Variants in XPOT observed in about 807,000 individuals in gnomAD.
XPOT encodes exportin-T.
In XPOT, 34 loss-of-function variants were observed where a neutral mutation model predicts 128.2. That is an observed-to-expected ratio of 0.27 (90% CI 0.20 to 0.35). The LOEUF is 0.35. Ranked by LOEUF, XPOT falls within the 10% of genes least tolerant of loss-of-function variation. XPOT has a pLI of 1.00. For synonymous variants in XPOT, 348 were observed against 394.3 expected, an observed-to-expected ratio of 0.88 and a Z score of 1.39; for missense variants, 838 against 1,125.3, an observed-to-expected ratio of 0.74 and a Z score of 3.65.
chr12:64,420,106 A>G lies in XPOT; in HGVS notation c.526A>G (p.Arg176Gly). The stretch of plus-strand genomic sequence containing the variant: ...GAATACTCTCATAAAAGATACCATG[A>G]GGGAACAGTGCATTCCAAATCTGGT... ...RRNTLIKDTM[R>G]EQCIPNLVES... Residue 176 changes from arginine (R) to glycine (G), a missense_variant, in exon 7 of 25, where the codon AGG becomes GGG. Arg to Gly is a moderately radical substitution (Grantham distance 125). Transcript: ENST00000332707. The G allele has an allele frequency of 6.3e-7, 1 of 1,596,584 alleles. No homozygotes were observed. Among genetic ancestry groups the G allele is most frequent in the South Asian group, 1.1e-5 (1 of 87,284 alleles).
At chr12:64,436,148 G>C (rs11175390) in intron 22 of XPOT, among the ~76,000 whole-genome samples, 22,801 of 151,960 alleles carry the variant, frequency 0.15, 2,042 homozygotes, top group East Asian at 0.35. Flanking sequence ...GTAGAAACAG[G>C]GTTTCACCAT....
Position 64,448,808 on chromosome 12 carries a change from C to T in XPOT, c.*677C>T, listed in dbSNP as rs1347638498. On this transcript the variant is annotated 3_prime_UTR_variant, in exon 25 of 25. Transcript: ENST00000332707. ...TGTGTGGATGCTTTAATTCATTTAA[C>T]CTCACTCCTCAAAGGTAACATGCAA... 1.3e-5 allele frequency: 2 copies of T among 152,138 alleles called. No homozygotes were observed. The highest frequency in any genetic ancestry group is 6.5e-5 in the Admixed American group (1 of 15,268). 9.4% of individuals were successfully genotyped at this position (152,138 alleles called of 1,614,324 possible).
Position 64,448,129 on chromosome 12 carries a change from T to C in XPOT, c.2887T>C (p.Ter963ArgextTer10), listed in dbSNP as rs1368228149. ...GGTGTTCTTCCAGAGAGCAAAGCCC[T>C]GAGGACTGGATTTCCCTGTGCCTAC... is the stretch of plus-strand genomic sequence containing the variant. Reference protein sequence around the residue: ...LKVFFQRAKP* With the variant: ...LKVFFQRAKPR The change falls in exon 25 of 25, where the codon TGA becomes CGA. Residue 963 changes from the stop codon to arginine, a stop_lost. Coordinates refer to ENST00000332707, the MANE Select transcript of XPOT (RefSeq NM_007235.6). The C allele has an allele frequency of 6.2e-7, 1 of 1,613,994 alleles. No individual in the cohort carries two copies. The highest frequency in any genetic ancestry group is 8.5e-7 in the Non-Finnish European group (1 of 1,179,888).
chr12:64,414,168 C>T (rs1399004092), intron 2 of XPOT, among the ~76,000 whole-genome samples: 1 of 152,180 alleles, frequency 6.6e-6, no homozygotes, highest in Non-Finnish European at 1.5e-5. Context: ...AAGTAACTCC[C>T]ATTTTCCCAA....
At position 64,434,404 on chromosome 12, in the gene XPOT, CTGTAAA is replaced by C. The variant is rs1264325253; in HGVS notation, c.2453-100_2453-95del. On this transcript the variant is annotated intron_variant, in intron 19 of 24. Transcript: ENST00000332707. ...TCCCCCTTCATTTTTCCCATTCCAC[CTGTAAA>C]TGATTTTTGACTTGTTAATGTATAT... is the stretch of plus-strand genomic sequence containing the variant. 4 of 725,334 alleles carry C rather than the reference CTGTAAA, an allele frequency of 5.5e-6. No homozygotes were observed. In the Admixed American group the frequency reaches 9.5e-5, roughly 17 times the overall value. The allele number at this position is 725,334 out of a possible 1,614,324, so 44.9% of individuals were successfully genotyped here.
chr12:64,423,127 T>A, intron 10 of XPOT, 55 bp from the exon 11 acceptor site: 1 of 1,591,034 alleles, frequency 6.3e-7, no homozygotes, highest in Non-Finnish European at 8.6e-7. Context: ...TTTCAAATTA[T>A]ATCAAATTAG....
At chr12:64,406,795 A>T (rs191178576) in intron 1 of XPOT, among the ~76,000 whole-genome samples, 23 of 152,282 alleles carry the variant, frequency 1.5e-4, no homozygotes, top group African/African-American at 4.8e-4. Flanking sequence ...AGGGGAATGG[A>T]CATCAGATTT....
rs370119332 is a variant in XPOT at position 64,428,007 on chromosome 12, T to C, written c.1668-44T>C. ...GGGAATTTGGTATTTTAGCACTGTT[T>C]TGAGCACTGTTATTAATTGTGATTT... On this transcript the variant is annotated intron_variant, in intron 15 of 24. Coordinates refer to ENST00000332707, the MANE Select transcript of XPOT (RefSeq NM_007235.6). The C allele has an allele frequency of 3.8e-6, 5 of 1,324,264 alleles. No homozygotes were observed. The African/African-American group carries it at 4.3e-5, about 11-fold the overall frequency. The allele number at this position is 1,324,264 out of a possible 1,614,324, so 82.0% of individuals were successfully genotyped here. A position where few individuals can be genotyped will look rare whatever the true frequency, so the allele number is the denominator to read the frequency against.
chr12:64,450,612 C>G lies in XPOT; in HGVS notation c.*2481C>G, dbSNP rs977136798. ...CATGTTATATAATCATGCATAACTT[C>G]TATCTTCATTCTCTGAAGTTGCCTA... On this transcript the variant is annotated 3_prime_UTR_variant, in exon 25 of 25. Transcript: ENST00000332707. 2.6e-5 allele frequency: 4 copies of G among 152,200 alleles called. No individual in the cohort carries two copies. The highest frequency in any genetic ancestry group is 9.6e-5 in the African/African-American group (4 of 41,460). The allele number at this position is 152,200 out of a possible 1,614,324, so 9.4% of individuals were successfully genotyped here.
At chr12:64,445,215 A>T in intron 24 of XPOT, 84 bp downstream of exon 24, 1 of 1,066,568 alleles carries the variant, frequency 9.4e-7, no homozygotes. Flanking sequence ...GCAATTATAG[A>T]TGTTTATGTG....
In XPOT at chr12:64,429,686, C is replaced by T. The variant is rs372553883; in HGVS notation, c.1738-363C>T. Among the ~76,000 whole-genome samples, 100 of 152,228 alleles carry T rather than the reference C, an allele frequency of 6.6e-4. 1 individual carries two copies. The highest frequency in any genetic ancestry group is 2.1e-3 in the African/African-American group (87 of 41,556). ...GAACTCCTGACCTCAAGTGATCTGC[C>T]GGCCTCGGCCTCCCAAAGTGCTAGG... On this transcript the variant is annotated intron_variant, in intron 16 of 24. Coordinates refer to ENST00000332707, the MANE Select transcript of XPOT (RefSeq NM_007235.6).
chr12:64,425,685 C>T (rs2040186310), intron 14 of XPOT, 130 bp from the exon 15 acceptor site: 1 of 1,006,820 alleles, frequency 9.9e-7, no homozygotes, highest in African/African-American at 1.6e-5. Context: ...TTTAGAATTA[C>T]TCGTATATTC....
At chr12:64,443,655 A>G (rs1162434962) in intron 23 of XPOT, among the ~76,000 whole-genome samples, 1 of 151,976 alleles carries the variant, frequency 6.6e-6, no homozygotes, top group Non-Finnish European at 1.5e-5. Flanking sequence ...GGGTTCCACC[A>G]TGTTGGCTAG....
At chr12:64,435,796 G>A in intron 22 of XPOT, 122 bp downstream of exon 22, 1 of 905,672 alleles carries the variant, frequency 1.1e-6, no homozygotes, top group South Asian at 2.4e-5. Flanking sequence ...TGTGGGGAAA[G>A]GGGATGAATG....
chr12:64,424,134 A>G (rs2040168611), intron 11 of XPOT, among the ~76,000 whole-genome samples: 1 of 152,200 alleles, frequency 6.6e-6, no homozygotes, highest in Non-Finnish European at 1.5e-5. Flanking sequence ...CCTAAGATTG[A>G]ATATCTCCAG....
intron 5 of XPOT, among the ~76,000 whole-genome samples, chr12:64,418,359 G>C (rs1295550685): frequency 6.6e-6 from 1 of 152,142 alleles, no homozygotes; most frequent in Admixed American, 6.5e-5. Flanking sequence ...GTTTTAAAAT[G>C]TAGTTGTTTT....
At chr12:64,446,685 T>C (rs2040369841) in intron 24 of XPOT, among the ~76,000 whole-genome samples, 1 of 151,888 alleles carries the variant, frequency 6.6e-6, no homozygotes, top group Non-Finnish European at 1.5e-5. Context: ...GCAGAAATGG[T>C]CTTTACTGTT....
At chr12:64,407,648 C>A (rs186389618) in intron 1 of XPOT, among the ~76,000 whole-genome samples, 1 of 152,100 alleles carries the variant, frequency 6.6e-6, no homozygotes, top group Non-Finnish European at 1.5e-5. Context: ...CAAAGGACAG[C>A]AGGGGTTAAC....
rs753329787 is a variant in XPOT at position 64,420,080 on chromosome 12, G to A, written c.500G>A (p.Arg167Lys). Reference sequence around the variant, plus strand: ...CGTTTTGTATTTTAGGAGGCTCGTAGGAATACTCTCATAAAAGATACCATG... The same window carrying A: ...CGTTTTGTATTTTAGGAGGCTCGTAAGAATACTCTCATAAAAGATACCATG... ...DVVHTSEEAR[R>K]NTLIKDTMRE... The change falls in exon 7 of 25, where the codon AGG becomes AAG. Residue 167 changes from arginine (R) to lysine (K), a missense_variant. Arg to Lys is a conservative substitution (Grantham distance 26, BLOSUM62 2). This residue lies in a region of XPOT where 761 missense variants were observed against 988.3 expected (regional missense o/e 0.77). Coordinates refer to ENST00000332707, the MANE Select transcript of XPOT (RefSeq NM_007235.6). 1.9e-6 allele frequency: 3 copies of A among 1,568,424 alleles called. No homozygotes were observed. Among genetic ancestry groups the A allele is most frequent in the Non-Finnish European group, 2.6e-6 (3 of 1,164,914 alleles).
Sources: allele counts gnomAD v4.1 joint callset (sites outside exome capture counted in the v4.1 genomes callset), GRCh38; gene constraint gnomAD v4.1.1; regional missense constraint gnomAD v4.1.1; transcripts MANE v1.5; gene names NCBI Gene and HGNC (gene_info 2026-07-23, HGNC 2026-07-21).